PDP2: variants seen among roughly 807,000 people sequenced by gnomAD.
The protein encoded by PDP2 is [Pyruvate dehydrogenase [acetyl-transferring]]-phosphatase 2, mitochondrial.
A neutral mutation model predicts 34.2 loss-of-function variants in PDP2; 23 were observed. The observed-to-expected ratio is 0.67, with a 90% CI of 0.48 to 0.95. The LOEUF is 0.95. Among genes scored for constraint, PDP2 ranks in the 40% least tolerant of loss-of-function variants. The pLI is 0.00. For missense variants in PDP2, 571 were observed against 659.6 expected, an observed-to-expected ratio of 0.87 and a Z score of 1.47; for synonymous variants, 275 against 269.2, an observed-to-expected ratio of 1.02 and a Z score of -0.21.
chr16:66,884,699 A>G lies in PDP2; in HGVS notation c.415A>G (p.Ile139Val), dbSNP rs199732145. The G allele has an allele frequency of 8.5e-5, 138 of 1,614,110 alleles. No homozygotes were observed. Among genetic ancestry groups the G allele is most frequent in the Non-Finnish European group, 1.2e-4 (137 of 1,180,054 alleles). ...CLQTNGLMFG[I>V]FDGHGGHACA... ...GCAAACCAATGGACTGATGTTTGGC[A>G]TCTTCGATGGACATGGTGGTCATGC... Residue 139 changes from isoleucine (I) to valine (V), a missense_variant, in exon 2 of 2, where the codon ATC becomes GTC. By Grantham distance (29) the Ile-to-Val change is conservative. Coordinates refer to ENST00000311765, the MANE Select transcript of PDP2 (RefSeq NM_020786.4).
rs1451146368 is a variant in PDP2, at chr16:66,889,163, T to C, written c.*3289T>C. On this transcript the variant is annotated 3_prime_UTR_variant, in exon 2 of 2. Coordinates refer to ENST00000311765, the MANE Select transcript of PDP2 (RefSeq NM_020786.4). ...TCCTTTTATACGGAGATTTCAGTATTGAGACTTAAAATGAACTGAAAAATG... is the reference window on the plus strand; with the variant it reads ...TCCTTTTATACGGAGATTTCAGTATCGAGACTTAAAATGAACTGAAAAATG... 1.3e-5 allele frequency: 2 copies of C among 152,248 alleles called. No individual in the cohort carries two copies. The highest frequency in any genetic ancestry group is 1.5e-5 in the Non-Finnish European group (1 of 68,046). The allele number at this position is 152,248 out of a possible 1,614,324, so 9.4% of individuals were successfully genotyped here.
In PDP2 at chr16:66,887,193, T is replaced by C. The variant is rs1268350647; in HGVS notation, c.*1319T>C. The C allele has an allele frequency of 6.0e-6, 1 of 166,812 alleles. No individual in the cohort carries two copies. Among genetic ancestry groups the C allele is most frequent in the Non-Finnish European group, 1.5e-5 (1 of 68,096 alleles). 10.3% of individuals were successfully genotyped at this position (166,812 alleles called of 1,614,324 possible). A position where few individuals can be genotyped will look rare whatever the true frequency, so the allele number is the denominator to read the frequency against. On this transcript the variant is annotated 3_prime_UTR_variant, in exon 2 of 2. Transcript: ENST00000311765. ...ATAGGAGTTGGGGCAAAAATAAAAG[T>C]GTAATTTGTAATGGTTTCTGTGGGC...
chr16:66,881,427 T>TTTTTTTAA (rs775338010), intron 1 of PDP2, among the ~76,000 whole-genome samples: 1 of 141,310 alleles, frequency 7.1e-6, no homozygotes, highest in African/African-American at 2.8e-5. Context: ...TGTTTTTTTT[T>TTTTTTTAA]TTTTAATTTA....
chr16:66,888,157 G>C lies in PDP2; in HGVS notation c.*2283G>C, dbSNP rs1057001738. The C allele has an allele frequency of 8.6e-5, 13 of 151,008 alleles. No individual in the cohort carries two copies. The highest frequency in any genetic ancestry group is 2.9e-4 in the African/African-American group (12 of 41,038). The allele number at this position is 151,008 out of a possible 1,614,324, so 9.4% of individuals were successfully genotyped here. A position where few individuals can be genotyped will look rare whatever the true frequency, so the allele number is the denominator to read the frequency against. On this transcript the variant is annotated 3_prime_UTR_variant, in exon 2 of 2. Transcript: ENST00000311765. Reference sequence around the variant, plus strand: ...ATCTTGGCTCACTGCAACCTCTGCAGCCCAGGCTCAAACGATCCTCCTGCC... The same window carrying C: ...ATCTTGGCTCACTGCAACCTCTGCACCCCAGGCTCAAACGATCCTCCTGCC...
rs1171290364 is a variant in PDP2, at chr16:66,880,526, G to A, written c.-169G>A. The A allele has an allele frequency of 2.0e-5, 3 of 152,850 alleles. No individual in the cohort carries two copies. Among genetic ancestry groups the A allele is most frequent in the Non-Finnish European group, 4.4e-5 (3 of 68,566 alleles). 9.5% of individuals were successfully genotyped at this position (152,850 alleles called of 1,614,324 possible). ...CGGGAGGGCGCTTCCTTCTGGAGCT[G>A]GGTCCTGACTAGGGACCGCCTGGGT... On this transcript the variant is annotated 5_prime_UTR_variant, in exon 1 of 2. Transcript: ENST00000311765.
Position 66,885,176 on chromosome 16 carries a change from G to A in PDP2, c.892G>A (p.Gly298Ser). The A allele has an allele frequency of 6.2e-7, 1 of 1,613,962 alleles. No individual in the cohort carries two copies. The highest frequency in any genetic ancestry group is 8.5e-7 in the Non-Finnish European group (1 of 1,180,032). The change falls in exon 2 of 2, where the codon GGC becomes AGC. Residue 298 changes from glycine (G) to serine (S), a missense_variant. Gly to Ser is a moderately conservative substitution (Grantham distance 56). This residue lies in a region of PDP2 where 281 missense variants were observed against 375.8 expected (regional missense o/e 0.75). Coordinates refer to ENST00000311765, the MANE Select transcript of PDP2 (RefSeq NM_020786.4). This position sits in a 1 kb window ranked among gnomAD's most constrained non-coding sequence, Gnocchi z 4.6. ...CATCCTTGGTGTCCAAGAGGACAAT[G>A]GCATGTGGTCTTGTCTGCCCCTTAC... Reference protein sequence around the residue: ...RAILGVQEDNGMWSCLPLTRD... With the variant: ...RAILGVQEDNSMWSCLPLTRD...
At chr16:66,883,006 T>A (rs972316174) in intron 1 of PDP2, 1 of 152,116 alleles carries the variant, frequency 6.6e-6, no homozygotes, top group African/African-American at 2.4e-5. Flanking sequence ...GTAAAAAAAT[T>A]TTTTGTAGAA....
In PDP2 at chr16:66,886,585, G is replaced by C. The variant is rs748292579; in HGVS notation, c.*711G>C. On this transcript the variant is annotated 3_prime_UTR_variant, in exon 2 of 2. Coordinates refer to ENST00000311765, the MANE Select transcript of PDP2 (RefSeq NM_020786.4). ...TGCCTCTGGACCAGCTGAACTTACTGGTGCAGCTTTTTGTGCCCTCTACTG... is the reference window on the plus strand; with the variant it reads ...TGCCTCTGGACCAGCTGAACTTACTCGTGCAGCTTTTTGTGCCCTCTACTG... 2.1e-6 allele frequency: 1 copy of C among 466,328 alleles called. No individual in the cohort carries two copies. 28.9% of individuals were successfully genotyped at this position (466,328 alleles called of 1,614,324 possible). A position where few individuals can be genotyped will look rare whatever the true frequency, so the allele number is the denominator to read the frequency against.
rs200276039 is a variant in PDP2 at position 66,885,550 on chromosome 16, C to T, written c.1266C>T (p.Asp422=). ...TGTGGGACATGCTGAGCAATGAGGA[C>T]GTGGTAAGGCTGGTGGTGGGGCACC... ...DGLWDMLSNE[D]VVRLVVGHLA... is the part of the protein sequence containing the mutation. The change falls in exon 2 of 2, where the codon GAC becomes GAT. Residue 422 remains aspartate, a synonymous_variant. Transcript: ENST00000311765. This position sits in a 1 kb window ranked among gnomAD's most constrained non-coding sequence, Gnocchi z 4.6. 7.9e-5 allele frequency: 128 copies of T among 1,614,064 alleles called. No individual in the cohort carries two copies. Among genetic ancestry groups the T allele is most frequent in the Non-Finnish European group, 9.6e-5 (113 of 1,180,028 alleles).
chr16:66,884,213 C>G lies in PDP2; in HGVS notation c.-54-18C>G. Reference sequence around the variant, plus strand: ...AAAAAAGAAATTAAATTTGAAACTTCAACTTTTTAATTTTTAGGTTTAAAA... The same window carrying G: ...AAAAAAGAAATTAAATTTGAAACTTGAACTTTTTAATTTTTAGGTTTAAAA... On this transcript the variant is annotated intron_variant, in intron 1 of 1. Transcript: ENST00000311765. 1.8e-6 allele frequency: 2 copies of G among 1,105,270 alleles called. No individual in the cohort carries two copies. The highest frequency in any genetic ancestry group is 1.8e-5 in the South Asian group (1 of 55,106). The allele number at this position is 1,105,270 out of a possible 1,614,324, so 68.5% of individuals were successfully genotyped here.
In PDP2 at chr16:66,885,365, C is replaced by T. The variant is rs139343061; in HGVS notation, c.1081C>T (p.Arg361Cys). 1.8e-4 allele frequency: 290 copies of T among 1,614,066 alleles called. No individual in the cohort carries two copies. The highest frequency in any genetic ancestry group is 2.3e-4 in the Non-Finnish European group (272 of 1,180,032). The stretch of plus-strand genomic sequence containing the variant: ...GCTGAAGTGGAGTAAAGAGTTGCAG[C>T]GCAGCATTCTGGAGAGGGGCTTCAA... ...VQLKWSKELQ[R>C]SILERGFNTE... Residue 361 changes from arginine to cysteine, a missense_variant, in exon 2 of 2, where the codon CGC becomes TGC. Physicochemically the swap from Arg to Cys is radical, Grantham distance 180 (BLOSUM62 -3). Coordinates refer to ENST00000311765, the MANE Select transcript of PDP2 (RefSeq NM_020786.4). This position sits in a 1 kb window ranked among gnomAD's most constrained non-coding sequence, Gnocchi z 4.6.
rs943213092 is a variant in PDP2, at chr16:66,886,713, T to C, written c.*839T>C. On this transcript the variant is annotated 3_prime_UTR_variant, in exon 2 of 2. Coordinates refer to ENST00000311765, the MANE Select transcript of PDP2 (RefSeq NM_020786.4). Reference sequence around the variant, plus strand: ...TAAAATTTCCTCCTGGGCTGAGCCTTTGGGGGTTGATTCACAGCATTTAAG... The same window carrying C: ...TAAAATTTCCTCCTGGGCTGAGCCTCTGGGGGTTGATTCACAGCATTTAAG... 1.5e-5 allele frequency: 4 copies of C among 272,504 alleles called. No homozygotes were observed. In the East Asian group the frequency reaches 2.4e-4, roughly 16 times the overall value. The allele number at this position is 272,504 out of a possible 1,614,324, so 16.9% of individuals were successfully genotyped here.
At position 66,886,318 on chromosome 16, in the gene PDP2, T is replaced by G; in HGVS notation, c.*444T>G. 4.0e-6 allele frequency: 1 copy of G among 251,328 alleles called. No homozygotes were observed. The highest frequency in any genetic ancestry group is 5.1e-5 in the South Asian group (1 of 19,710). The allele number at this position is 251,328 out of a possible 1,614,324, so 15.6% of individuals were successfully genotyped here. A position where few individuals can be genotyped will look rare whatever the true frequency, so the allele number is the denominator to read the frequency against. ...CATGGACTTGTAGACTATGAAGAGA[T>G]ATTTTATTTGTTTGTCTTTTATTTA... On this transcript the variant is annotated 3_prime_UTR_variant, in exon 2 of 2. Transcript: ENST00000311765.
At position 66,885,619 on chromosome 16, in the gene PDP2, C is replaced by A; in HGVS notation, c.1335C>A (p.Pro445=). The A allele has an allele frequency of 6.2e-7, 1 of 1,614,054 alleles. No homozygotes were observed. Among genetic ancestry groups the A allele is most frequent in the South Asian group, 1.1e-5 (1 of 91,072 alleles). The change falls in exon 2 of 2, where the codon CCC becomes CCA. Residue 445 remains proline (P), a synonymous_variant. Coordinates refer to ENST00000311765, the MANE Select transcript of PDP2 (RefSeq NM_020786.4). The surrounding 1 kb of genome is among the most constrained non-coding windows in gnomAD (Gnocchi z 4.6). ...DWHKTDLAQR[P]ANLGLMQSLL... ...ACAAGACAGACCTGGCCCAGAGACC[C>A]GCCAACTTGGGGCTCATGCAGAGCC...
Position 66,889,982 on chromosome 16 carries a change from A to G in PDP2, c.*4108A>G. 1 of 151,670 alleles carries G rather than the reference A, an allele frequency of 6.6e-6. No homozygotes were observed. Among genetic ancestry groups the G allele is most frequent in the African/African-American group, 2.4e-5 (1 of 41,314 alleles). 9.4% of individuals were successfully genotyped at this position (151,670 alleles called of 1,614,324 possible). ...CTAAAAAAAAAGTTTGAATTAAAAA[A>G]AAAAAAAAAAAAGTCGGCTGTGCAC... is the stretch of plus-strand genomic sequence containing the variant. On this transcript the variant is annotated 3_prime_UTR_variant, in exon 2 of 2. Coordinates refer to ENST00000311765, the MANE Select transcript of PDP2 (RefSeq NM_020786.4).
At position 66,886,696 on chromosome 16, in the gene PDP2, C is replaced by A; in HGVS notation, c.*822C>A. 1 of 296,416 alleles carries A rather than the reference C, an allele frequency of 3.4e-6. No individual in the cohort carries two copies. 18.4% of individuals were successfully genotyped at this position (296,416 alleles called of 1,614,324 possible). ...GACCTTTCCTGCATTAGTAAAATTT[C>A]CTCCTGGGCTGAGCCTTTGGGGGTT... On this transcript the variant is annotated 3_prime_UTR_variant, in exon 2 of 2. Transcript: ENST00000311765.
rs373306980 is a variant in PDP2, at chr16:66,887,991, GTCCTTCCTTCCTTCCTTCCTTCCTTCCT to G, written c.*2158_*2185del. 511 of 97,356 alleles carry G rather than the reference GTCCTTCCTTCCTTCCTTCCTTCCTTCCT, an allele frequency of 5.2e-3. 13 individuals are homozygous for G. Among genetic ancestry groups the G allele is most frequent in the African/African-American group, 0.017 (464 of 26,652 alleles). 6.0% of individuals were successfully genotyped at this position (97,356 alleles called of 1,614,324 possible). A position where few individuals can be genotyped will look rare whatever the true frequency, so the allele number is the denominator to read the frequency against. ...AAAAATCCATCTTATCTCTTAGTCC[GTCCTTCCTTCCTTCCTTCCTTCCTTCCT>G]TCCTTCCTTCCTTCCTTCCTTCCTT... On this transcript the variant is annotated 3_prime_UTR_variant, in exon 2 of 2. Coordinates refer to ENST00000311765, the MANE Select transcript of PDP2 (RefSeq NM_020786.4).
In PDP2 at chr16:66,885,531, A is replaced by T; in HGVS notation, c.1247A>T (p.Asp416Val). The change falls in exon 2 of 2, where the codon GAC (aspartate) becomes GTC (valine). Residue 416 changes from aspartate (D) to valine (V), a missense_variant. Transcript: ENST00000311765. This position sits in a 1 kb window ranked among gnomAD's most constrained non-coding sequence, Gnocchi z 4.6. ...GTGCTGGCCTCAGATGGCCTGTGGGACATGCTGAGCAATGAGGACGTGGTA... is the reference window on the plus strand; with the variant it reads ...GTGCTGGCCTCAGATGGCCTGTGGGTCATGCTGAGCAATGAGGACGTGGTA... ...FLVLASDGLWDMLSNEDVVRL... is the reference protein window; with the variant it reads ...FLVLASDGLWVMLSNEDVVRL... The T allele has an allele frequency of 6.2e-7, 1 of 1,614,090 alleles. No individual in the cohort carries two copies. Among genetic ancestry groups the T allele is most frequent in the Non-Finnish European group, 8.5e-7 (1 of 1,180,022 alleles).
rs1196519895 is a variant in PDP2, at chr16:66,885,152, A to G, written c.868A>G (p.Ile290Val). 3 of 1,613,894 alleles carry G rather than the reference A, an allele frequency of 1.9e-6. No individual in the cohort carries two copies. The highest frequency in any genetic ancestry group is 2.5e-6 in the Non-Finnish European group (3 of 1,180,056). Residue 290 changes from isoleucine to valine, a missense_variant, in exon 2 of 2, where the codon ATC (isoleucine) becomes GTC (valine). This residue lies in a region of PDP2 where 281 missense variants were observed against 375.8 expected (regional missense o/e 0.75). Transcript: ENST00000311765. The surrounding 1 kb of genome is among the most constrained non-coding windows in gnomAD (Gnocchi z 4.6). ...GGCAAATGCTGGTGACTGCCGAGCC[A>G]TCCTTGGTGTCCAAGAGGACAATGG... The part of the protein sequence containing the change: ...HVANAGDCRA[I>V]LGVQEDNGMW...
Sources: gnomAD v4.1 joint callset for allele counts (sites outside exome capture counted in the v4.1 genomes callset) on GRCh38, gnomAD v4.1.1 for gene constraint, gnomAD v4.1.1 regional missense constraint, Gnocchi (gnomAD v3.1) non-coding constraint, MANE v1.5 for transcripts, NCBI Gene and HGNC (gene_info 2026-07-23, HGNC 2026-07-21) for gene names.